The following IFNLR1 variants were observed in gnomAD, a reference collection of about 807,000 sequenced individuals.
IFNLR1 encodes the protein CRF2-12.
Under a neutral mutation model 52.5 loss-of-function variants are expected in IFNLR1, and 28 were observed. That is an observed-to-expected ratio of 0.53 (90% CI 0.40 to 0.73). The LOEUF (loss-of-function observed/expected upper bound fraction) is 0.73. Among genes scored for constraint, IFNLR1 ranks in the 30% least tolerant of loss-of-function variants. The pLI, the probability that IFNLR1 is intolerant of heterozygous loss-of-function variation, is 0.00. For missense variants in IFNLR1, 623 were observed against 659.1 expected (o/e 0.95, Z 0.60); for synonymous variants, 276 against 274.9 (o/e 1.00, Z -0.04).
intron 5 of IFNLR1, 77 bp downstream of exon 5, chr1:24,159,397 A>G: frequency 7.1e-7 from 1 of 1,417,984 alleles, no homozygotes; most frequent in Non-Finnish European, 9.9e-7. Flanking sequence ...CTCTAGGCTC[A>G]TGTTCTTAAC....
intron 1 of IFNLR1, among the ~76,000 whole-genome samples, chr1:24,182,834 C>T (rs1209516358): frequency 6.6e-6 from 1 of 152,016 alleles, no homozygotes; most frequent in Admixed American, 6.6e-5. Flanking sequence ...GCAGGAGAAT[C>T]GCTTGAATCC....
intron 2 of IFNLR1, 38 bp downstream of exon 2, chr1:24,180,693 C>CCCCCAA: frequency 7.1e-7 from 1 of 1,409,328 alleles, no homozygotes; most frequent in Non-Finnish European, 9.8e-7. Flanking sequence ...CCCACCCCCT[C>CCCCCAA]AGTCTTCCCA....
intron 3 of IFNLR1, among the ~76,000 whole-genome samples, chr1:24,164,162 A>C (rs1005586652): frequency 6.6e-6 from 1 of 152,238 alleles, no homozygotes; most frequent in Non-Finnish European, 1.5e-5. Flanking sequence ...AGGGACAATC[A>C]GGTCATGGTC....
intron 2 of IFNLR1, among the ~76,000 whole-genome samples, chr1:24,170,494 G>A (rs1308798225): frequency 6.6e-6 from 1 of 152,118 alleles, no homozygotes; most frequent in African/African-American, 2.4e-5. Context: ...CCGAGTAGAT[G>A]GGATTACAGG....
At chr1:24,177,310 T>C (rs756185791) in intron 2 of IFNLR1, among the ~76,000 whole-genome samples, 3 of 152,128 alleles carry the variant, frequency 2.0e-5, no homozygotes, top group Non-Finnish European at 2.9e-5. Context: ...AAAGAAGCCA[T>C]AGTGACTCAG....
chr1:24,173,121 C>A, intron 2 of IFNLR1, among the ~76,000 whole-genome samples: 1 of 126,518 alleles, frequency 7.9e-6, no homozygotes, highest in Admixed American at 8.4e-5. Context: ...AAATATTTTT[C>A]TCTTCCAAAA....
rs941364805 is a variant in IFNLR1 at position 24,159,349 on chromosome 1, A to G, written c.670+125T>C. On this transcript the variant is annotated intron_variant, in intron 5 of 6. Coordinates refer to ENST00000327535, the MANE Select transcript of IFNLR1 (RefSeq NM_170743.4). ...GGGGCATTATGTAAGCTGCCCAAAG[A>G]CACACAATGAGTGTGGTTTTAATCC... 2.4e-6 allele frequency: 3 copies of G among 1,230,522 alleles called. No individual in the cohort carries two copies. The African/African-American group carries it at 4.5e-5, about 18-fold the overall frequency. 76.2% of individuals were successfully genotyped at this position (1,230,522 alleles called of 1,614,324 possible).
chr1:24,167,864 T>C (rs140198803), intron 3 of IFNLR1, among the ~76,000 whole-genome samples: 1 of 151,552 alleles, frequency 6.6e-6, no homozygotes, highest in African/African-American at 2.4e-5. Context: ...CCAACTAATT[T>C]TTTTTTGTAT....
intron 5 of IFNLR1, 66 bp downstream of exon 5, chr1:24,159,405 AACC>A: frequency 6.9e-7 from 1 of 1,459,488 alleles, no homozygotes; most frequent in Non-Finnish European, 9.5e-7. Flanking sequence ...TCATGTTCTT[AACC>A]ACTGTGTCAC....
At chr1:24,173,329 A>G (rs948318493) in intron 2 of IFNLR1, among the ~76,000 whole-genome samples, 4 of 152,218 alleles carry the variant, frequency 2.6e-5, no homozygotes, top group African/African-American at 9.6e-5. Context: ...CAATAAGCAC[A>G]TGAAAAGATG....
intron 2 of IFNLR1, among the ~76,000 whole-genome samples, chr1:24,175,315 C>T (rs1008245511): frequency 1.8e-4 from 27 of 152,220 alleles, no homozygotes; most frequent in Admixed American, 1.6e-3. Context: ...ATAGGGCTGC[C>T]GCCCCAGTGG....
chr1:24,159,731 T>G (rs12032806), intron 4 of IFNLR1, 98 bp from the exon 5 acceptor site: 32 of 952,214 alleles, frequency 3.4e-5, no homozygotes, highest in Middle Eastern at 2.8e-4. Flanking sequence ...AGGGTGTTTT[T>G]TTTTTGTTTT....
intron 3 of IFNLR1, among the ~76,000 whole-genome samples, chr1:24,165,430 G>A (rs1304234581): frequency 6.6e-6 from 1 of 152,140 alleles, no homozygotes; most frequent in South Asian, 2.1e-4. Flanking sequence ...GATGATTGAG[G>A]TATTCTTGGA....
At position 24,157,797 on chromosome 1, in the gene IFNLR1, G is replaced by T. The variant is rs764869999; in HGVS notation, c.896C>A (p.Thr299Asn). ...TCGAGGCGTCGGCCTGACCCCTCTG[G>T]TCAGTTCCTTTTGGGGACAGAGGAA... is the stretch of plus-strand genomic sequence containing the variant. The part of the protein sequence containing the change: ...DLFLCPQKEL[T>N]RGVRPTPRVR... The change falls in exon 7 of 7, where the codon ACC (threonine) becomes AAC (asparagine). Residue 299 changes from threonine to asparagine, a missense_variant. Physicochemically the swap from Thr to Asn is moderately conservative, Grantham distance 65. Coordinates refer to ENST00000327535, the MANE Select transcript of IFNLR1 (RefSeq NM_170743.4). The surrounding 1 kb of genome is among the most constrained non-coding windows in gnomAD (Gnocchi z 5.1). 1 of 1,614,048 alleles carries T rather than the reference G, an allele frequency of 6.2e-7. No individual in the cohort carries two copies. The highest frequency in any genetic ancestry group is 1.1e-5 in the South Asian group (1 of 91,082).
intron 3 of IFNLR1, among the ~76,000 whole-genome samples, chr1:24,165,286 T>G (rs1458396859): frequency 6.6e-6 from 1 of 152,222 alleles, no homozygotes; most frequent in Admixed American, 6.5e-5. Flanking sequence ...CCCATATGAC[T>G]GCAGGACACA....
intron 2 of IFNLR1, among the ~76,000 whole-genome samples, chr1:24,179,618 C>T (rs906990491): frequency 3.9e-5 from 6 of 152,210 alleles, no homozygotes; most frequent in Admixed American, 1.3e-4. Flanking sequence ...AGTTCCCCTT[C>T]TGGCTCCATG....
intron 2 of IFNLR1, among the ~76,000 whole-genome samples, chr1:24,174,491 T>C (rs1644612402): frequency 6.6e-6 from 1 of 152,114 alleles, no homozygotes; most frequent in Non-Finnish European, 1.5e-5. Context: ...ATATAGACAT[T>C]AAAGGTGATT....
At chr1:24,172,584 G>T (rs1644591968) in intron 2 of IFNLR1, among the ~76,000 whole-genome samples, 1 of 152,014 alleles carries the variant, frequency 6.6e-6, no homozygotes, top group African/African-American at 2.4e-5. Context: ...AAGAAGGAAA[G>T]TTAAAAAAAT....
At chr1:24,163,787 C>A (rs1362879918) in intron 3 of IFNLR1, among the ~76,000 whole-genome samples, 1 of 152,094 alleles carries the variant, frequency 6.6e-6, no homozygotes, top group African/African-American at 2.4e-5. Context: ...CCATGGTGGT[C>A]AGGCTGGTCT....
Sources: gnomAD v4.1 joint callset for allele counts (sites outside exome capture counted in the v4.1 genomes callset) on GRCh38, gnomAD v4.1.1 for gene constraint, Gnocchi (gnomAD v3.1) non-coding constraint, MANE v1.5 for transcripts, NCBI Gene and HGNC (gene_info 2026-07-23, HGNC 2026-07-21) for gene names.